The following ANKRD28 variants were observed in gnomAD, a reference collection of about 807,000 sequenced individuals.
ANKRD28 encodes the protein ankyrin repeat domain 28.
In ANKRD28, 44 loss-of-function variants were observed where a neutral mutation model predicts 126.5. That is an observed-to-expected ratio of 0.35 (90% CI 0.27 to 0.45). The LOEUF (loss-of-function observed/expected upper bound fraction) is 0.45. Ranked by LOEUF, ANKRD28 falls within the 20% of genes least tolerant of loss-of-function variation. The pLI is 1.00. For synonymous variants in ANKRD28, 442 were observed against 468.5 expected (o/e 0.94, Z 0.73); for missense variants, 1,110 against 1,316.6 (o/e 0.84, Z 2.43).
At chr3:15,783,743 T>A (rs1217950566) in intron 2 of ANKRD28, among the ~76,000 whole-genome samples, 3 of 151,912 alleles carry the variant, frequency 2.0e-5, no homozygotes, top group African/African-American at 7.2e-5. Flanking sequence ...ATAATTATGC[T>A]GAATGAAAAA....
chr3:15,754,326 T>C (rs1430287317), intron 3 of ANKRD28, among the ~76,000 whole-genome samples: 1 of 152,210 alleles, frequency 6.6e-6, no homozygotes, highest in Non-Finnish European at 1.5e-5. Context: ...TGGGACCCTC[T>C]TGATTATCAG....
In ANKRD28 at chr3:15,696,249, T is replaced by C. The variant is rs747911985; in HGVS notation, c.1548-4A>G. On this transcript the variant is annotated splice_region_variant and splice_polypyrimidine_tract_variant and intron_variant, in intron 14 of 27. Coordinates refer to ENST00000683139, the MANE Select transcript of ANKRD28 (RefSeq NM_001349278.2). The stretch of plus-strand genomic sequence containing the variant: ...TCTTAATAAGTATTCCAGGCACCTA[T>C]ATACAACAACAACAACATACTGAAA... The C allele has an allele frequency of 3.9e-6, 6 of 1,526,208 alleles. No individual in the cohort carries two copies. The highest frequency in any genetic ancestry group is 5.4e-6 in the Non-Finnish European group (6 of 1,115,706). The allele number at this position is 1,526,208 out of a possible 1,614,324, so 94.5% of individuals were successfully genotyped here.
At position 15,780,387 on chromosome 3, in the gene ANKRD28, A is replaced by T. The variant is rs543070864; in HGVS notation, c.202-14075T>A. ...AACAGGTAAAAGATCTGTATACTAA[A>T]AACTATAAAACATTAATGAAAACAA... On this transcript the variant is annotated intron_variant, in intron 2 of 27. Coordinates refer to ENST00000683139, the MANE Select transcript of ANKRD28 (RefSeq NM_001349278.2). 4.6e-5 allele frequency among the ~76,000 whole-genome samples: 7 copies of T among 152,300 alleles called. 1 individual carries two copies. Among genetic ancestry groups the T allele is most frequent in the Middle Eastern group, 6.8e-3 (2 of 294 alleles).
chr3:15,798,709 A>G (rs1369439229), upstream of ANKRD28, among the ~76,000 whole-genome samples: 1 of 151,978 alleles, frequency 6.6e-6, no homozygotes, highest in African/African-American at 2.4e-5. Context: ...AATACAAATA[A>G]TCTCCCTCCC....
At chr3:15,837,634 T>C (rs1231324721) in intron 1 of ANKRD28, among the ~76,000 whole-genome samples, 1 of 152,084 alleles carries the variant, frequency 6.6e-6, no homozygotes, top group Non-Finnish European at 1.5e-5. Flanking sequence ...ACTCATAGGA[T>C]ACAGACAATG....
At chr3:15,745,301 A>G (rs1429025013) in intron 4 of ANKRD28, among the ~76,000 whole-genome samples, 2 of 152,128 alleles carry the variant, frequency 1.3e-5, no homozygotes, top group Non-Finnish European at 2.9e-5. Context: ...ACCAATGTCT[A>G]GAAGGGTTTT....
chr3:15,802,799 C>T (rs930113313), upstream of ANKRD28, among the ~76,000 whole-genome samples: 1 of 152,178 alleles, frequency 6.6e-6, no homozygotes, highest in Non-Finnish European at 1.5e-5. Context: ...AACATCTAGT[C>T]AGCCAATCAC....
intron 3 of ANKRD28, among the ~76,000 whole-genome samples, chr3:15,765,594 C>A (rs961582911): frequency 1.3e-5 from 2 of 152,136 alleles, no homozygotes; most frequent in African/African-American, 4.8e-5. Flanking sequence ...GTAATCCCAG[C>A]ACTTTGGGAG....
At chr3:15,703,180 A>T (rs2070866729) in intron 14 of ANKRD28, among the ~76,000 whole-genome samples, 1 of 152,236 alleles carries the variant, frequency 6.6e-6, no homozygotes. Flanking sequence ...TTTTGGTAAT[A>T]AAAAATATCA....
intron 2 of ANKRD28, among the ~76,000 whole-genome samples, chr3:15,791,463 C>T (rs2060022606): frequency 6.6e-6 from 1 of 151,808 alleles, no homozygotes; most frequent in African/African-American, 2.4e-5. Flanking sequence ...CAAATCCAAA[C>T]ACCTACAGCA....
chr3:15,761,164 A>G (rs1043642240), intron 3 of ANKRD28, among the ~76,000 whole-genome samples: 24 of 152,210 alleles, frequency 1.6e-4, no homozygotes, highest in African/African-American at 5.5e-4. Context: ...TTATGAAAAC[A>G]TATGACTTTA....
chr3:15,692,020 G>T (rs2068865813), intron 17 of ANKRD28, among the ~76,000 whole-genome samples: 1 of 151,936 alleles, frequency 6.6e-6, no homozygotes, highest in African/African-American at 2.4e-5. Flanking sequence ...CATGCCTGTG[G>T]TCCCAGCTAT....
At chr3:15,822,194 A>G (rs1388220111) in intron 1 of ANKRD28, among the ~76,000 whole-genome samples, 4 of 152,234 alleles carry the variant, frequency 2.6e-5, no homozygotes. Flanking sequence ...TAAAAAGTGA[A>G]GACTAGGACA....
chr3:15,712,129 G>A lies in ANKRD28; in HGVS notation c.1273+11C>T, dbSNP rs1298998840. ...AGGAGACATACAAAAGGCTGCAAAG[G>A]TTACACTTACCTGAAGAAAGAAGTT... On this transcript the variant is annotated intron_variant, in intron 11 of 27. Coordinates refer to ENST00000683139, the MANE Select transcript of ANKRD28 (RefSeq NM_001349278.2). The A allele has an allele frequency of 2.6e-6, 4 of 1,562,202 alleles. No homozygotes were observed. The highest frequency in any genetic ancestry group is 3.8e-5 in the Admixed American group (2 of 52,150).
intron 3 of ANKRD28, among the ~76,000 whole-genome samples, chr3:15,754,491 T>TAA (rs753679825): frequency 1.4e-5 from 2 of 148,052 alleles, no homozygotes; most frequent in African/African-American, 4.9e-5. Context: ...AAGTTCTCAA[T>TAA]AAAAAAAAAA....
chr3:15,853,486 T>G lies in ANKRD28; in HGVS notation c.27+5891A>C, dbSNP rs544076579. Among the ~76,000 whole-genome samples, 1 of 152,218 alleles carries G rather than the reference T, an allele frequency of 6.6e-6. No homozygotes were observed. Among genetic ancestry groups the G allele is most frequent in the Non-Finnish European group, 1.5e-5 (1 of 68,040 alleles). On this transcript the variant is annotated intron_variant, in intron 1 of 27. Coordinates refer to the ANKRD28 transcript ENST00000399451. The surrounding 1 kb of genome is among the most constrained non-coding windows in gnomAD (Gnocchi z 4.2). ...TATGGTTTTTTTTGTTTTTTTGTTT[T>G]TGAGATGGAGTCTCATTCTGTCGCC...
chr3:15,796,442 T>C lies in ANKRD28; in HGVS notation c.80A>G (p.Asn27Ser). ...PAFISKLPQE[N>S]KSLHSPPSGN... ...AGAAGGTGGAGAATGTAGGGATTTA[T>C]TTTCCTGTGGCAATTTAGAAATGAA... Residue 27 changes from asparagine to serine, a missense_variant, in exon 1 of 28, where the codon AAT (asparagine) becomes AGT (serine). Coordinates refer to ENST00000683139, the MANE Select transcript of ANKRD28 (RefSeq NM_001349278.2). 7.8e-7 allele frequency: 1 copy of C among 1,288,540 alleles called. No homozygotes were observed. The allele number at this position is 1,288,540 out of a possible 1,614,324, so 79.8% of individuals were successfully genotyped here.
intron 25 of ANKRD28, 134 bp downstream of exon 25, chr3:15,677,346 T>C (rs1173998894): frequency 4.5e-6 from 3 of 667,178 alleles, no homozygotes; most frequent in African/African-American, 3.6e-5. Context: ...TAAGTCAATT[T>C]TGTTCAAGAA....
intron 4 of ANKRD28, among the ~76,000 whole-genome samples, chr3:15,749,158 C>T (rs1385961987): frequency 1.1e-4 from 15 of 137,330 alleles, no homozygotes; most frequent in East Asian, 4.6e-4. Context: ...GGCCGGACTG[C>T]GGACTGCAGT....
Sources: allele counts gnomAD v4.1 joint callset (sites outside exome capture counted in the v4.1 genomes callset), GRCh38; gene constraint gnomAD v4.1.1; non-coding constraint Gnocchi (gnomAD v3.1); transcripts MANE v1.5; gene names NCBI Gene and HGNC (gene_info 2026-07-23, HGNC 2026-07-21).